Variants in TM9SF2 observed in about 807,000 individuals in gnomAD.
The protein encoded by TM9SF2 is 76 kDa membrane protein.
TM9SF2 carries 13 observed loss-of-function variants against 84.9 expected under a neutral mutation model. The observed-to-expected ratio is 0.15, with a 90% confidence interval of 0.10 to 0.24. TM9SF2 has a LOEUF of 0.24. Among genes scored for constraint, TM9SF2 ranks in the 10% least tolerant of loss-of-function variants. The pLI is 1.00. For missense variants in TM9SF2, 562 were observed against 818.5 expected, an observed-to-expected ratio of 0.69 and a Z score of 3.82; for synonymous variants, 273 against 285.8, an observed-to-expected ratio of 0.96 and a Z score of 0.45.
intron 12 of TM9SF2, among the ~76,000 whole-genome samples, chr13:99,551,310 A>G (rs1429447211): frequency 6.6e-6 from 1 of 152,240 alleles, no homozygotes; most frequent in Non-Finnish European, 1.5e-5. Flanking sequence ...GGGATGGAGA[A>G]TACAGAAGCA....
chr13:99,532,225 T>C (rs2046213664), intron 4 of TM9SF2, among the ~76,000 whole-genome samples: 1 of 151,834 alleles, frequency 6.6e-6, no homozygotes. Context: ...TAATTTTTTG[T>C]ATTTTTAGTA....
chr13:99,526,739 A>C (rs1428000624), intron 3 of TM9SF2, among the ~76,000 whole-genome samples: 2 of 152,126 alleles, frequency 1.3e-5, no homozygotes, highest in South Asian at 4.1e-4. Context: ...TTTTGGAAGG[A>C]TCGTTGATAT....
At chr13:99,550,053 G>A (rs1181807554) in intron 12 of TM9SF2, among the ~76,000 whole-genome samples, 1 of 152,100 alleles carries the variant, frequency 6.6e-6, no homozygotes, top group Non-Finnish European at 1.5e-5. Flanking sequence ...TCACGAAGGT[G>A]TCCGTCCTTA....
chr13:99,512,323 T>G (rs531833777), intron 1 of TM9SF2, among the ~76,000 whole-genome samples: 14 of 152,336 alleles, frequency 9.2e-5, no homozygotes, highest in African/African-American at 2.4e-4. Flanking sequence ...CATTCAAAAT[T>G]ATTACTTGCC....
At chr13:99,503,444 C>CA (rs1414365550) in intron 1 of TM9SF2, among the ~76,000 whole-genome samples, 10 of 152,126 alleles carry the variant, frequency 6.6e-5, no homozygotes, top group African/African-American at 2.4e-4. Context: ...TGTGGTGGCT[C>CA]ACGCCTGTAA....
Position 99,559,485 on chromosome 13 carries a change from G to A in TM9SF2, c.1875G>A (p.Leu625=). ...TCACGGGAACAGCAAGCACAATTCT[G>A]TACTTTGGTTATACCATGATAATGG... is the stretch of plus-strand genomic sequence containing the variant. ...LQITGTASTI[L]YFGYTMIMVL... Residue 625 remains leucine, a synonymous_variant, in exon 16 of 17, where the codon CTG becomes CTA. Coordinates refer to ENST00000376387, the MANE Select transcript of TM9SF2 (RefSeq NM_004800.3). 1 of 1,613,800 alleles carries A rather than the reference G, an allele frequency of 6.2e-7. No homozygotes were observed. The highest frequency in any genetic ancestry group is 8.5e-7 in the Non-Finnish European group (1 of 1,179,872).
intron 11 of TM9SF2, 104 bp from the exon 12 acceptor site, chr13:99,549,061 C>A: frequency 2.3e-6 from 2 of 858,692 alleles, no homozygotes; most frequent in Non-Finnish European, 3.8e-6. Context: ...GGAATGAGTA[C>A]TCATTGCTGT....
chr13:99,540,639 T>A (rs2046255004), intron 7 of TM9SF2, 75 bp from the exon 8 acceptor site: 1 of 1,248,462 alleles, frequency 8.0e-7, no homozygotes, highest in African/African-American at 1.5e-5. Flanking sequence ...GGACAAGCTT[T>A]GAATGGGATT....
At chr13:99,507,943 T>A (rs1250778182) in intron 1 of TM9SF2, among the ~76,000 whole-genome samples, 1 of 152,198 alleles carries the variant, frequency 6.6e-6, no homozygotes, top group African/African-American at 2.4e-5. Context: ...AGTGTAGTCC[T>A]GTGGCATGGC....
chr13:99,526,293 T>A (rs2046183168), intron 3 of TM9SF2, among the ~76,000 whole-genome samples: 1 of 152,240 alleles, frequency 6.6e-6, no homozygotes, highest in Non-Finnish European at 1.5e-5. Flanking sequence ...CTCCAGCTAT[T>A]TCCAGCTGTG....
intron 16 of TM9SF2, 150 bp from the exon 17 acceptor site, chr13:99,562,541 C>CATATA: frequency 1.7e-6 from 1 of 602,346 alleles, no homozygotes; most frequent in South Asian, 2.4e-5. Context: ...ATTTTTCAGA[C>CATATA]GTGCTCATAG....
chr13:99,541,753 C>A, intron 9 of TM9SF2, 86 bp downstream of exon 9: 1 of 856,306 alleles, frequency 1.2e-6, no homozygotes, highest in Non-Finnish European at 1.7e-6. Context: ...GCTTTAGAAT[C>A]TGCTTTTAAA....
chr13:99,524,831 T>C (rs2046175117), intron 3 of TM9SF2, among the ~76,000 whole-genome samples: 1 of 151,928 alleles, frequency 6.6e-6, no homozygotes, highest in South Asian at 2.1e-4. Context: ...CCCAAAGTGC[T>C]GGAATTACAG....
In TM9SF2 at chr13:99,540,772, A is replaced by G. The variant is rs766772967; in HGVS notation, c.887A>G (p.His296Arg). 1 of 1,613,856 alleles carries G rather than the reference A, an allele frequency of 6.2e-7. No individual in the cohort carries two copies. The highest frequency in any genetic ancestry group is 8.5e-7 in the Non-Finnish European group (1 of 1,179,866). Residue 296 changes from histidine to arginine, a missense_variant, in exon 8 of 17, where the codon CAT (histidine) becomes CGT (arginine). Physicochemically the swap from His to Arg is conservative, Grantham distance 29. Around this residue, in one of 4 missense-constraint regions of TM9SF2, gnomAD observed 219 missense variants for 338.1 expected, o/e 0.65. Coordinates refer to ENST00000376387, the MANE Select transcript of TM9SF2 (RefSeq NM_004800.3). ...GACTATATTCTGGAGTCTATGCCTC[A>G]TACCCACATTCAGTGGTTTAGGTAA... ...RWDYILESMPHTHIQWFSIMN... is the reference protein window; with the variant it reads ...RWDYILESMPRTHIQWFSIMN...
intron 2 of TM9SF2, among the ~76,000 whole-genome samples, chr13:99,518,416 T>A (rs967259631): frequency 6.6e-6 from 1 of 152,220 alleles, no homozygotes. Context: ...TGGCCCATAC[T>A]ATTATTTTTG....
chr13:99,548,862 C>T (rs2046294566), intron 11 of TM9SF2, among the ~76,000 whole-genome samples: 1 of 152,110 alleles, frequency 6.6e-6, no homozygotes, highest in Admixed American at 6.6e-5. Flanking sequence ...TGTGCCTAGG[C>T]CCATTGATTG....
In TM9SF2 at chr13:99,541,419, G is replaced by C; in HGVS notation, c.909-140G>C. 4 of 575,882 alleles carry C rather than the reference G, an allele frequency of 6.9e-6. No individual in the cohort carries two copies. In the South Asian group the frequency reaches 8.7e-5, roughly 12 times the overall value. The allele number at this position is 575,882 out of a possible 1,614,324, so 35.7% of individuals were successfully genotyped here. A position where few individuals can be genotyped will look rare whatever the true frequency, so the allele number is the denominator to read the frequency against. ...GAAACATGAAAGAACACAGTTCATT[G>C]AATTTGTTGGATTTCAGATAGCTTT... On this transcript the variant is annotated intron_variant, in intron 8 of 16. Coordinates refer to ENST00000376387, the MANE Select transcript of TM9SF2 (RefSeq NM_004800.3).
chr13:99,507,345 T>C (rs1207813981), intron 1 of TM9SF2, among the ~76,000 whole-genome samples: 4 of 152,126 alleles, frequency 2.6e-5, no homozygotes, highest in Admixed American at 2.6e-4. Flanking sequence ...AAACACTCTG[T>C]ATCTATTATA....
intron 14 of TM9SF2, 100 bp downstream of exon 14, chr13:99,554,555 A>G: frequency 7.8e-7 from 1 of 1,287,010 alleles, no homozygotes; most frequent in South Asian, 1.7e-5. Flanking sequence ...TGTAAATGTA[A>G]GCAGTTCTTC....
Sources: gnomAD v4.1 joint callset for allele counts (sites outside exome capture counted in the v4.1 genomes callset) on GRCh38, gnomAD v4.1.1 for gene constraint, gnomAD v4.1.1 regional missense constraint, MANE v1.5 for transcripts, NCBI Gene and HGNC (gene_info 2026-07-23, HGNC 2026-07-21) for gene names.